The following CASP5 variants were observed in gnomAD, a reference collection of about 807,000 sequenced individuals.
The protein encoded by CASP5 is caspase-5.
A neutral mutation model predicts 45.2 loss-of-function variants in CASP5; 42 were observed. The observed-to-expected ratio is 0.93, with a 90% CI of 0.73 to 1.20. CASP5 has a LOEUF of 1.20. Among genes scored for constraint, CASP5 ranks in the 50% most tolerant of loss-of-function variants. The pLI, the probability that CASP5 is intolerant of heterozygous loss-of-function variation, is 0.00. For synonymous variants in CASP5, 209 were observed against 186.2 expected (o/e 1.12, Z -1.00); for missense variants, 512 against 532.2 (o/e 0.96, Z 0.37).
Position 104,995,832 on chromosome 11 carries a change from G to T in CASP5, c.1217C>A (p.Ser406Ter), listed in dbSNP as rs549693625. 6.2e-6 allele frequency: 10 copies of T among 1,609,408 alleles called. No homozygotes were observed. Among genetic ancestry groups the T allele is most frequent in the African/African-American group, 1.3e-5 (1 of 74,934 alleles). The change falls in exon 9 of 10, where the codon TCA becomes TAA. Residue 406 changes from serine to a stop codon, truncating the protein, a stop_gained. Coordinates refer to ENST00000260315, the MANE Select transcript of CASP5 (RefSeq NM_004347.5). LOFTEE classifies it high-confidence loss of function. The part of the protein sequence containing the change: ...LMEIFRKVQK[S>*]FEVPQAKAQM... ...GGCTTTAGCCTGTGGAACTTCAAAT[G>T]ATTTCTGTACCTAAAAGAAAAAACA... is the stretch of plus-strand genomic sequence containing the variant.
chr11:105,020,665 A>C (rs1282172415), intron 1 of CASP5, among the ~76,000 whole-genome samples: 3 of 152,000 alleles, frequency 2.0e-5, no homozygotes, highest in Admixed American at 6.6e-5. Flanking sequence ...AGAGGGTACA[A>C]ACAAATGGAA....
At chr11:105,009,863 A>G in intron 1 of CASP5, among the ~76,000 whole-genome samples, 1 of 140,032 alleles carries the variant, frequency 7.1e-6, no homozygotes, top group East Asian at 2.0e-4. Flanking sequence ...ACATATATAT[A>G]CATATATATA....
chr11:104,995,922 C>G (rs11601305), intron 8 of CASP5, 80 bp from the exon 9 acceptor site: 2 of 884,158 alleles, frequency 2.3e-6, no homozygotes, highest in African/African-American at 3.3e-5. Flanking sequence ...CAGGAAATGC[C>G]TGAATGAAGA....
At chr11:105,009,878 CAT>C (rs1206556418) in intron 1 of CASP5, among the ~76,000 whole-genome samples, 25 of 137,984 alleles carry the variant, frequency 1.8e-4, no homozygotes, top group East Asian at 4.0e-4. Flanking sequence ...TATATACACA[CAT>C]ATATATACAC....
chr11:105,002,641 A>G (rs575354579), intron 4 of CASP5, among the ~76,000 whole-genome samples: 24 of 152,336 alleles, frequency 1.6e-4, no homozygotes, highest in African/African-American at 4.3e-4. Flanking sequence ...AATATATTTT[A>G]TGTCTAGGCT....
chr11:105,009,712 T>TACAC (rs1420509724), intron 1 of CASP5, among the ~76,000 whole-genome samples: 5 of 61,306 alleles, frequency 8.2e-5, no homozygotes, highest in South Asian at 4.9e-4. Flanking sequence ...GAGATATATA[T>TACAC]ATACACACAT....
At chr11:104,999,570 C>T (rs963849287) in intron 6 of CASP5, among the ~76,000 whole-genome samples, 8 of 152,120 alleles carry the variant, frequency 5.3e-5, no homozygotes, top group Non-Finnish European at 1.2e-4. Context: ...TTCTTTCTAA[C>T]TAATTTCATA....
chr11:105,018,089 T>C (rs1240303217), intron 1 of CASP5, among the ~76,000 whole-genome samples: 1 of 151,378 alleles, frequency 6.6e-6, no homozygotes, highest in African/African-American at 2.4e-5. Flanking sequence ...TAAAATACTT[T>C]ACAGACAAGC....
At chr11:104,999,900 C>T (rs952565345) in intron 6 of CASP5, among the ~76,000 whole-genome samples, 1 of 152,162 alleles carries the variant, frequency 6.6e-6, no homozygotes, top group Non-Finnish European at 1.5e-5. Flanking sequence ...GTTTCAAGTG[C>T]AAATTCTTCA....
chr11:105,002,363 C>A (rs1206670074), intron 4 of CASP5, among the ~76,000 whole-genome samples, 162 bp from the exon 5 acceptor site: 1 of 152,092 alleles, frequency 6.6e-6, no homozygotes, highest in African/African-American at 2.4e-5. Flanking sequence ...AGAGCAAGAA[C>A]CAGGACATAT....
At chr11:105,000,236 T>G in intron 6 of CASP5, 25 bp downstream of exon 6, 1 of 1,611,394 alleles carries the variant, frequency 6.2e-7, no homozygotes, top group South Asian at 1.1e-5. Context: ...TTCAAAACTG[T>G]TAGATGTTCA....
rs746604160 is a variant in CASP5, at chr11:104,999,044, C to G, written c.953-16G>C. The G allele has an allele frequency of 1.3e-6, 2 of 1,571,542 alleles. No individual in the cohort carries two copies. Among genetic ancestry groups the G allele is most frequent in the South Asian group, 1.2e-5 (1 of 84,066 alleles). On this transcript the variant is annotated splice_polypyrimidine_tract_variant and intron_variant, in intron 6 of 9. Transcript: ENST00000260315. ...CCATGTTTTTCTGTAGAGACATCAA[C>G]TTTCTTTTTTTTTTATGTTACTTTA...
intron 9 of CASP5, 130 bp downstream of exon 9, chr11:104,995,610 A>T: frequency 1.8e-6 from 1 of 545,668 alleles, no homozygotes; most frequent in Non-Finnish European, 3.3e-6. Context: ...GCAAATAAAT[A>T]CTCACCAGAC....
intron 1 of CASP5, among the ~76,000 whole-genome samples, chr11:105,009,814 CATATATATATACACAT>C (rs1565388368): frequency 1.1e-5 from 1 of 92,206 alleles, no homozygotes; most frequent in Non-Finnish European, 2.0e-5. Flanking sequence ...TATACACACA[CATATATATATACACAT>C]ATATATATAC....
At chr11:105,009,708 T>G (rs1862175923) in intron 1 of CASP5, among the ~76,000 whole-genome samples, 3 of 70,238 alleles carry the variant, frequency 4.3e-5, no homozygotes, top group South Asian at 8.3e-4. Flanking sequence ...CCAGGAGATA[T>G]ATATATACAC....
At chr11:105,010,765 C>G (rs945768645) in intron 1 of CASP5, among the ~76,000 whole-genome samples, 2 of 151,440 alleles carry the variant, frequency 1.3e-5, no homozygotes, top group African/African-American at 4.8e-5. Flanking sequence ...ATGTTGAACC[C>G]CCATGAGGTC....
intron 2 of CASP5, among the ~76,000 whole-genome samples, chr11:105,008,588 C>T (rs1591165690): frequency 6.6e-6 from 1 of 151,978 alleles, no homozygotes; most frequent in Non-Finnish European, 1.5e-5. Flanking sequence ...TTTCCATGCA[C>T]AATCTGAACC....
Position 104,998,871 on chromosome 11 carries a change from T to C in CASP5, c.1096+14A>G. On this transcript the variant is annotated intron_variant, in intron 7 of 9. Transcript: ENST00000260315. ...GCACCCCCAAATTTTTGACTGTTAC[T>C]AAAAGACACATACGTGGTGTTGAAG... The C allele has an allele frequency of 6.2e-7, 1 of 1,608,450 alleles. No individual in the cohort carries two copies. The highest frequency in any genetic ancestry group is 8.5e-7 in the Non-Finnish European group (1 of 1,177,988).
intron 1 of CASP5, among the ~76,000 whole-genome samples, chr11:105,022,441 T>C (rs1188015733): frequency 6.6e-6 from 1 of 152,106 alleles, no homozygotes. Context: ...AAAGACGCAA[T>C]ATGACCTGCT....
Sources: gnomAD v4.1 joint callset for allele counts (sites outside exome capture counted in the v4.1 genomes callset) on GRCh38, gnomAD v4.1.1 for gene constraint, MANE v1.5 for transcripts, NCBI Gene and HGNC (gene_info 2026-07-23, HGNC 2026-07-21) for gene names.